Variants in COL21A1 observed in about 807,000 individuals in gnomAD.
COL21A1 encodes the protein collagen alpha-1(XXI) chain.
COL21A1 carries 149 observed loss-of-function variants against 137.9 expected under a neutral mutation model. The ratio of observed to expected loss-of-function variants is 1.08; its 90% CI spans 0.95 to 1.24. COL21A1 has a LOEUF of 1.24. Among genes scored for constraint, COL21A1 ranks in the 50% most tolerant of loss-of-function variants. COL21A1 has a pLI of 0.00. For missense variants in COL21A1, 1,167 were observed against 1,158.4 expected, an observed-to-expected ratio of 1.01 and a Z score of -0.11; for synonymous variants, 456 against 391.5, an observed-to-expected ratio of 1.16 and a Z score of -1.95.
intron 1 of COL21A1, among the ~76,000 whole-genome samples, chr6:56,194,973 T>G (rs567449471): frequency 6.6e-6 from 1 of 152,206 alleles, no homozygotes; most frequent in South Asian, 2.1e-4. Flanking sequence ...AATAAATTAA[T>G]AAATTAATGG....
chr6:56,126,150 C>A lies in COL21A1; in HGVS notation c.1543-1G>T. The stretch of plus-strand genomic sequence containing the variant: ...GAAAACCAGGAAGTCCACGATCACC[C>A]TGAAAATAAAACTGAAATTAATTAC... On this transcript the variant is annotated splice_acceptor_variant, in intron 12 of 29. Transcript: ENST00000244728. LOFTEE classifies it high-confidence loss of function. 6.5e-7 allele frequency: 1 copy of A among 1,542,978 alleles called. No homozygotes were observed. Among genetic ancestry groups the A allele is most frequent in the South Asian group, 1.2e-5 (1 of 83,060 alleles).
At chr6:56,110,255 CTTTTTTTTT>C (rs35299623) in intron 16 of COL21A1, among the ~76,000 whole-genome samples, 1 of 121,914 alleles carries the variant, frequency 8.2e-6, no homozygotes. Context: ...GCAGAAAAAG[CTTTTTTTTT>C]TTTTTTTTGC....
chr6:56,064,628 A>T lies in COL21A1; in HGVS notation c.2128-6T>A. The T allele has an allele frequency of 6.4e-7, 1 of 1,570,066 alleles. No individual in the cohort carries two copies. The highest frequency in any genetic ancestry group is 1.2e-5 in the South Asian group (1 of 85,528). ...CCATTTTCTCCCTTTTGACCCTTTA[A>T]AATAAAAAAAAACATTATTGATTAG... On this transcript the variant is annotated splice_region_variant and splice_polypyrimidine_tract_variant and intron_variant, in intron 23 of 29. Transcript: ENST00000244728.
chr6:56,347,419 G>A (rs368481362), intron 1 of COL21A1, among the ~76,000 whole-genome samples: 22 of 151,590 alleles, frequency 1.5e-4, no homozygotes, highest in African/African-American at 5.3e-4. Context: ...TGCATGCAAT[G>A]GGTCTTACCA....
intron 10 of COL21A1, among the ~76,000 whole-genome samples, chr6:56,147,267 A>G (rs575363153): frequency 6.6e-6 from 1 of 152,082 alleles, no homozygotes; most frequent in East Asian, 1.9e-4. Context: ...TTTCCATAGT[A>G]CTTAACACCA....
intron 1 of COL21A1, among the ~76,000 whole-genome samples, chr6:56,215,030 T>C (rs982405391): frequency 1.3e-5 from 2 of 152,246 alleles, no homozygotes; most frequent in South Asian, 2.1e-4. Context: ...CTCCTAACAA[T>C]GTTCACAAAT....
intron 1 of COL21A1, among the ~76,000 whole-genome samples, chr6:56,391,745 T>A (rs949708548): frequency 1.3e-5 from 2 of 152,174 alleles, no homozygotes; most frequent in African/African-American, 2.4e-5. Flanking sequence ...CATTTATAGA[T>A]GTTATAGAAC....
intron 17 of COL21A1, among the ~76,000 whole-genome samples, chr6:56,086,758 G>A (rs1768287673): frequency 6.6e-6 from 1 of 152,150 alleles, no homozygotes; most frequent in African/African-American, 2.4e-5. Context: ...TATCTAGAAA[G>A]GTTCCTATAA....
Position 56,064,568 on chromosome 6 carries a change from CAAAAA to C in COL21A1, c.2172+5_2172+9del. The stretch of plus-strand genomic sequence containing the variant: ...ATTTCATTTTTTATCAGAAGAAAAC[CAAAAA>C]ATACCTGTTGCCCTGGAATTCCCTG... On this transcript the variant is annotated splice_donor_5th_base_variant and intron_variant, in intron 24 of 29. Coordinates refer to ENST00000244728, the MANE Select transcript of COL21A1 (RefSeq NM_030820.4). 6 of 1,586,300 alleles carry C rather than the reference CAAAAA, an allele frequency of 3.8e-6. No homozygotes were observed. Among genetic ancestry groups the C allele is most frequent in the Non-Finnish European group, 5.2e-6 (6 of 1,163,316 alleles).
intron 1 of COL21A1, among the ~76,000 whole-genome samples, chr6:56,364,137 G>T (rs1211583312): frequency 6.6e-6 from 1 of 152,060 alleles, no homozygotes; most frequent in East Asian, 1.9e-4. Context: ...TCTCCCAGTT[G>T]TCCCTTGAGT....
At chr6:56,124,018 C>T in intron 16 of COL21A1, 44 bp downstream of exon 16, 2 of 1,438,020 alleles carry the variant, frequency 1.4e-6, no homozygotes, top group Non-Finnish European at 1.8e-6. Context: ...TCTCAAGATA[C>T]AAAAATCTTT....
At chr6:56,246,643 G>T (rs1049348713) in intron 1 of COL21A1, among the ~76,000 whole-genome samples, 1 of 152,014 alleles carries the variant, frequency 6.6e-6, no homozygotes, top group African/African-American at 2.4e-5. Context: ...TTACCTGGAG[G>T]GCTCATTAAA....
intron 1 of COL21A1, among the ~76,000 whole-genome samples, chr6:56,214,562 G>A (rs892994144): frequency 6.6e-6 from 1 of 152,018 alleles, no homozygotes; most frequent in South Asian, 2.1e-4. Context: ...TTACAGACTA[G>A]CAGAGTCTGT....
intron 17 of COL21A1, among the ~76,000 whole-genome samples, chr6:56,091,087 A>G (rs541872138): frequency 6.6e-6 from 1 of 152,330 alleles, no homozygotes; most frequent in African/African-American, 2.4e-5. Context: ...CCTCCACTTT[A>G]CTAGCATCAC....
chr6:56,254,256 C>T (rs867315785), intron 1 of COL21A1, among the ~76,000 whole-genome samples: 21 of 152,160 alleles, frequency 1.4e-4, no homozygotes, highest in African/African-American at 4.6e-4. Flanking sequence ...AGAAACTCTT[C>T]GAGAGATGCT....
At chr6:56,058,141 G>A (rs1250671768) in intron 29 of COL21A1, among the ~76,000 whole-genome samples, 2 of 151,926 alleles carry the variant, frequency 1.3e-5, no homozygotes, top group African/African-American at 2.4e-5. Context: ...TTTGTGTATT[G>A]TCCAATCTTA....
intron 1 of COL21A1, among the ~76,000 whole-genome samples, chr6:56,220,861 CAG>C (rs1400382756): frequency 6.6e-5 from 10 of 152,208 alleles, no homozygotes; most frequent in African/African-American, 2.4e-4. Context: ...TACAAGAGCA[CAG>C]AGAGGCTCTG....
intron 1 of COL21A1, among the ~76,000 whole-genome samples, chr6:56,218,175 G>T (rs1363439340): frequency 6.6e-6 from 1 of 151,952 alleles, no homozygotes; most frequent in African/African-American, 2.4e-5. Flanking sequence ...ATATTAGGGG[G>T]ATAGTCAAAC....
At chr6:56,361,018 T>C (rs1346849913) in intron 1 of COL21A1, among the ~76,000 whole-genome samples, 1 of 152,110 alleles carries the variant, frequency 6.6e-6, no homozygotes, top group African/African-American at 2.4e-5. Context: ...CGCTCAAACC[T>C]GGGAGGTGGA....
Sources: gnomAD v4.1 joint callset for allele counts (sites outside exome capture counted in the v4.1 genomes callset) on GRCh38, gnomAD v4.1.1 for gene constraint, MANE v1.5 for transcripts, NCBI Gene and HGNC (gene_info 2026-07-23, HGNC 2026-07-21) for gene names.